The following FOCAD variants were observed in gnomAD, a reference collection of about 807,000 sequenced individuals.
FOCAD encodes the protein focadhesin.
In FOCAD, 198 loss-of-function variants were observed where a neutral mutation model predicts 225.6. The ratio of observed to expected loss-of-function variants is 0.88; its 90% CI spans 0.78 to 0.99. FOCAD has a LOEUF of 0.99. Among genes scored for constraint, FOCAD ranks in the 50% least tolerant of loss-of-function variants. FOCAD has a pLI of 0.00. For synonymous variants in FOCAD, 897 were observed against 755.0 expected, an observed-to-expected ratio of 1.19 and a Z score of -3.08; for missense variants, 2,713 against 2,123.6, an observed-to-expected ratio of 1.28 and a Z score of -5.46.
chr9:20,960,120 G>A (rs967879436), intron 35 of FOCAD, among the ~76,000 whole-genome samples: 1 of 152,024 alleles, frequency 6.6e-6, no homozygotes, highest in Non-Finnish European at 1.5e-5. Context: ...GGTCTCTTTG[G>A]TCTCCTTCAA....
chr9:20,927,433 T>C lies in FOCAD; in HGVS notation c.3078+1016T>C, dbSNP rs564146759. On this transcript the variant is annotated intron_variant, in intron 26 of 43. Transcript: ENST00000338382. ...GTAAAAATTAATGCTTTGCCAACTTTCTAAAAAGATTGTGAAGATCAAATA... is the reference window on the plus strand; with the variant it reads ...GTAAAAATTAATGCTTTGCCAACTTCCTAAAAAGATTGTGAAGATCAAATA... Among the ~76,000 whole-genome samples, 19 of 152,240 alleles carry C rather than the reference T, an allele frequency of 1.2e-4. No individual in the cohort carries two copies. The South Asian group carries it at 3.3e-3, about 27-fold the overall frequency.
chr9:20,994,819 A>G (rs1841937798), intron 43 of FOCAD, among the ~76,000 whole-genome samples: 1 of 152,218 alleles, frequency 6.6e-6, no homozygotes, highest in Non-Finnish European at 1.5e-5. Flanking sequence ...GGATGAGGAA[A>G]GCAATCATTC....
intron 40 of FOCAD, among the ~76,000 whole-genome samples, chr9:20,988,101 G>T (rs1319693049): frequency 6.6e-6 from 1 of 152,202 alleles, no homozygotes; most frequent in African/African-American, 2.4e-5. Flanking sequence ...GAGATTTAAA[G>T]AATAAATTGG....
intron 35 of FOCAD, among the ~76,000 whole-genome samples, chr9:20,956,053 TAGTC>T (rs1303306817): frequency 6.6e-6 from 1 of 152,212 alleles, no homozygotes; most frequent in Non-Finnish European, 1.5e-5. Flanking sequence ...GTCCACGTAA[TAGTC>T]ATTATGAATG....
rs926692683 is a variant in FOCAD at position 20,716,331 on chromosome 9, G to A, written c.57+921G>A. ...CCCATACGTGTTACTGTTAAATTAG[G>A]TGAAAAAAATATATATATATATTTA... On this transcript the variant is annotated intron_variant, in intron 2 of 43. Coordinates refer to ENST00000338382, the MANE Select transcript of FOCAD (RefSeq NM_001375567.1). The A allele has an allele frequency of 1.6e-5, 3 of 183,864 alleles. No homozygotes were observed. In the South Asian group the frequency reaches 3.4e-4, roughly 21 times the overall value. The allele number at this position is 183,864 out of a possible 1,614,324, so 11.4% of individuals were successfully genotyped here. A position where few individuals can be genotyped will look rare whatever the true frequency, so the allele number is the denominator to read the frequency against.
intron 7 of FOCAD, among the ~76,000 whole-genome samples, chr9:20,769,718 C>T (rs766731036): frequency 6.6e-6 from 1 of 152,164 alleles, no homozygotes; most frequent in African/African-American, 2.4e-5. Context: ...CTTAATTTCC[C>T]TCAACATGTT....
At chr9:20,710,302 A>G (rs962821774) in intron 1 of FOCAD, among the ~76,000 whole-genome samples, 1 of 138,056 alleles carries the variant, frequency 7.2e-6, no homozygotes, top group South Asian at 2.3e-4. Flanking sequence ...GGGTTTGCTT[A>G]AAAAGTAATA....
chr9:20,717,027 C>A (rs7870537), intron 2 of FOCAD, among the ~76,000 whole-genome samples: 4,276 of 152,236 alleles, frequency 0.028, 202 homozygotes, highest in African/African-American at 0.098. Flanking sequence ...CTCAACCTAT[C>A]CATGGGTGCT....
intron 1 of FOCAD, among the ~76,000 whole-genome samples, chr9:20,705,194 T>G (rs1824285318): frequency 2.0e-5 from 3 of 152,206 alleles, no homozygotes; most frequent in African/African-American, 7.2e-5. Context: ...TTAAAAGACC[T>G]TTTATTATGG....
At chr9:20,942,401 T>A (rs1374275215) in intron 28 of FOCAD, among the ~76,000 whole-genome samples, 2 of 152,194 alleles carry the variant, frequency 1.3e-5, no homozygotes, top group African/African-American at 4.8e-5. Context: ...ATTCAGAAAG[T>A]TAAACCCTAT....
At chr9:20,806,582 T>G (rs888523813) in intron 11 of FOCAD, among the ~76,000 whole-genome samples, 2 of 152,260 alleles carry the variant, frequency 1.3e-5, no homozygotes, top group African/African-American at 4.8e-5. Flanking sequence ...CACCCAACCT[T>G]TAATAATACC....
At chr9:20,987,408 TGA>T (rs556572358) in intron 40 of FOCAD, among the ~76,000 whole-genome samples, 270 of 151,764 alleles carry the variant, frequency 1.8e-3, no homozygotes, top group African/African-American at 6.2e-3. Context: ...CTCAGGAGGC[TGA>T]GGCAGGAGAA....
At chr9:20,695,274 ATTC>A (rs1373922995) in intron 1 of FOCAD, among the ~76,000 whole-genome samples, 1 of 152,142 alleles carries the variant, frequency 6.6e-6, no homozygotes, top group African/African-American at 2.4e-5. Flanking sequence ...AATGTGTGGT[ATTC>A]TTACTTTTAG....
At chr9:20,843,382 A>G (rs1826744434) in intron 15 of FOCAD, among the ~76,000 whole-genome samples, 1 of 151,992 alleles carries the variant, frequency 6.6e-6, no homozygotes, top group Non-Finnish European at 1.5e-5. Context: ...TATACTGTTC[A>G]AGGATAGAAA....
chr9:20,981,784 G>A, intron 38 of FOCAD, 98 bp downstream of exon 38: 1 of 1,331,590 alleles, frequency 7.5e-7, no homozygotes, highest in Non-Finnish European at 1.0e-6. Flanking sequence ...AAGAATGTGG[G>A]TGGGAAGGCT....
Position 20,981,467 on chromosome 9 carries a change from G to T in FOCAD, c.4419G>T (p.Trp1473Cys). ...KRYLLISAPL[W>C]IKHISDEQIL... ...ATCTCCTGATATCTGCACCTCTGTG[G>T]ATAAAACACATCTCTGATGAACAGA... The change falls in exon 38 of 44, where the codon TGG becomes TGT. Residue 1473 changes from tryptophan to cysteine, a missense_variant. By Grantham distance (215) the Trp-to-Cys change is radical. Coordinates refer to ENST00000338382, the MANE Select transcript of FOCAD (RefSeq NM_001375567.1). The T allele has an allele frequency of 6.2e-7, 1 of 1,614,124 alleles. No homozygotes were observed. The highest frequency in any genetic ancestry group is 1.1e-5 in the South Asian group (1 of 91,088).
At chr9:20,955,976 C>G (rs925367435) in intron 35 of FOCAD, among the ~76,000 whole-genome samples, 15 of 152,080 alleles carry the variant, frequency 9.9e-5, no homozygotes, top group African/African-American at 3.6e-4. Flanking sequence ...ACTTTCTAAG[C>G]TTATATTTTC....
In FOCAD at chr9:20,847,648, T is replaced by C. The variant is rs927879914; in HGVS notation, c.1921-14930T>C. Among the ~76,000 whole-genome samples the C allele has an allele frequency of 3.9e-5, 6 of 152,190 alleles. No homozygotes were observed. The South Asian group carries it at 1.2e-3, about 32-fold the overall frequency. On this transcript the variant is annotated intron_variant, in intron 15 of 43. Transcript: ENST00000338382. ...TTCTTGGCAATAAGAGTACATAAGATATCCTTGGAATTATATTAGGTTTTC... is the reference window on the plus strand; with the variant it reads ...TTCTTGGCAATAAGAGTACATAAGACATCCTTGGAATTATATTAGGTTTTC...
chr9:20,947,404 A>T (rs778712605), intron 30 of FOCAD, among the ~76,000 whole-genome samples: 9 of 152,216 alleles, frequency 5.9e-5, no homozygotes, highest in Non-Finnish European at 1.2e-4. Flanking sequence ...AACAAAAAGC[A>T]AACACTGTGT....
Sources: gnomAD v4.1 joint callset for allele counts (sites outside exome capture counted in the v4.1 genomes callset) on GRCh38, gnomAD v4.1.1 for gene constraint, MANE v1.5 for transcripts, NCBI Gene and HGNC (gene_info 2026-07-23, HGNC 2026-07-21) for gene names.